RAPGEFL1: variants seen among roughly 807,000 people sequenced by gnomAD.
The protein encoded by RAPGEFL1 is Rap guanine nucleotide exchange factor like 1.
A neutral mutation model predicts 64.4 loss-of-function variants in RAPGEFL1; 31 were observed. The ratio of observed to expected loss-of-function variants is 0.48; its 90% CI spans 0.36 to 0.65. RAPGEFL1 has a LOEUF of 0.65. RAPGEFL1 is among the 30% of genes least tolerant of loss of function. RAPGEFL1 has a pLI of 0.00. For synonymous variants in RAPGEFL1, 331 were observed against 274.1 expected (o/e 1.21, Z -2.05); for missense variants, 682 against 677.4 (o/e 1.01, Z -0.08).
At chr17:40,182,534 G>A (rs917025035) in intron 2 of RAPGEFL1, among the ~76,000 whole-genome samples, 7 of 152,166 alleles carry the variant, frequency 4.6e-5, no homozygotes, top group Non-Finnish European at 8.8e-5. Context: ...GGCTGGTCTC[G>A]AACTCCTGAC....
rs1989991284 is a variant in RAPGEFL1 at position 40,184,283 on chromosome 17, T to C, written c.669T>C (p.Leu223=). The part of the protein sequence containing the change: ...LGRKQACLAM[L]LHFLDTYQGL... ...GGAAGCAAGCCTGTCTAGCCATGCT[T>C]CTCCATTTCTTGGACACCTACCAGG... Residue 223 remains leucine (L), a synonymous_variant, in exon 3 of 15, where the codon CTT becomes CTC. Transcript: ENST00000620260. 1 of 1,613,800 alleles carries C rather than the reference T, an allele frequency of 6.2e-7. No homozygotes were observed. The highest frequency in any genetic ancestry group is 1.1e-5 in the South Asian group (1 of 91,066).
Position 40,178,368 on chromosome 17 carries a change from C to A in RAPGEFL1, c.507C>A (p.Asp169Glu). ...GGCTTGCTGGAGGGGCTACCAGGGA[C>A]AGCGCCGCCTCAGGTAAGGAGCCGG... ...LERLAGGATR[D>E]SAASDILLDD... is the part of the protein sequence containing the mutation. Residue 169 changes from aspartate to glutamate, a missense_variant, in exon 1 of 15, where the codon GAC becomes GAA. Transcript: ENST00000620260. 1.9e-6 allele frequency: 1 copy of A among 529,622 alleles called. No homozygotes were observed. The highest frequency in any genetic ancestry group is 3.4e-6 in the Non-Finnish European group (1 of 294,660). The allele number at this position is 529,622 out of a possible 1,614,324, so 32.8% of individuals were successfully genotyped here. A position where few individuals can be genotyped will look rare whatever the true frequency, so the allele number is the denominator to read the frequency against.
Position 40,192,898 on chromosome 17 carries a change from C to T in RAPGEFL1, c.1745-28C>T, listed in dbSNP as rs781692929. ...TCGAACTCCTCTCTTATCCTTTCCT[C>T]ACATTGGATTCTCTCCACATCCCCT... is the stretch of plus-strand genomic sequence containing the variant. On this transcript the variant is annotated intron_variant, in intron 12 of 14. Coordinates refer to ENST00000620260, the MANE Select transcript of RAPGEFL1 (RefSeq NM_016339.6). The T allele has an allele frequency of 1.9e-6, 3 of 1,583,418 alleles. No individual in the cohort carries two copies. The African/African-American group carries it at 4.0e-5, about 21-fold the overall frequency.
chr17:40,181,117 T>C (rs1989881446), intron 1 of RAPGEFL1: 1 of 350,074 alleles, frequency 2.9e-6, no homozygotes, highest in Admixed American at 3.8e-5. Context: ...AGTCTCTCCA[T>C]CTCCCTTTTA....
intron 6 of RAPGEFL1, among the ~76,000 whole-genome samples, chr17:40,190,098 A>C (rs540477454): frequency 6.6e-6 from 1 of 152,278 alleles, no homozygotes; most frequent in Non-Finnish European, 1.5e-5. Flanking sequence ...GGCTAAAGAC[A>C]CAGGATGAGT....
chr17:40,181,032 C>T (rs1375012633), intron 1 of RAPGEFL1, among the ~76,000 whole-genome samples: 2 of 152,224 alleles, frequency 1.3e-5, no homozygotes, highest in Non-Finnish European at 2.9e-5. Flanking sequence ...ACCATTCCAT[C>T]ATTAACCCTT....
chr17:40,184,243 C>T lies in RAPGEFL1; in HGVS notation c.629C>T (p.Pro210Leu). ...GTTCGGGCAGGAGGCATGGAGGGCC[C>T]TGAAGGGCTGGGCCGGAAGCAAGCC... ...YFVRAGGMEG[P>L]EGLGRKQACL... The change falls in exon 3 of 15, where the codon CCT becomes CTT. Residue 210 changes from proline (P) to leucine (L), a missense_variant. Pro to Leu is a moderately conservative substitution (Grantham distance 98). Around this residue, in one of 2 missense-constraint regions of RAPGEFL1, gnomAD observed 271 missense variants for 158.0 expected, o/e 1.72. Transcript: ENST00000620260. 6.2e-7 allele frequency: 1 copy of T among 1,613,680 alleles called. No homozygotes were observed. Among genetic ancestry groups the T allele is most frequent in the East Asian group, 2.2e-5 (1 of 44,856 alleles).
chr17:40,193,895 CTGCTCCACGGGAAAGAGGTCGA>C lies in RAPGEFL1; in HGVS notation c.*110_*131del. The C allele has an allele frequency of 6.9e-7, 1 of 1,440,300 alleles. No homozygotes were observed. The highest frequency in any genetic ancestry group is 9.4e-7 in the Non-Finnish European group (1 of 1,061,770). 89.2% of individuals were successfully genotyped at this position (1,440,300 alleles called of 1,614,324 possible). A position where few individuals can be genotyped will look rare whatever the true frequency, so the allele number is the denominator to read the frequency against. On this transcript the variant is annotated 3_prime_UTR_variant, in exon 15 of 15. Transcript: ENST00000620260. ...GACATCTTTCCCGTGGAGCAACTTC[CTGCTCCACGGGAAAGAGGTCGA>C]TGGATTTACCCCTGGACCCATAAGT...
chr17:40,186,136 T>C (rs1990063758), intron 4 of RAPGEFL1, among the ~76,000 whole-genome samples: 1 of 150,990 alleles, frequency 6.6e-6, no homozygotes, highest in African/African-American at 2.4e-5. Context: ...TAGCCAGGCA[T>C]GGTGGCACAT....
Position 40,188,882 on chromosome 17 carries a change from C to T in RAPGEFL1, c.850C>T (p.Gln284Ter), listed in dbSNP as rs1339163054. Residue 284 changes from glutamine (Q) to a stop codon, truncating the protein, a stop_gained, in exon 5 of 15, where the codon CAG becomes TAG. Coordinates refer to ENST00000620260, the MANE Select transcript of RAPGEFL1 (RefSeq NM_016339.6). LOFTEE classifies it high-confidence loss of function. ...CCATGCCAGGATTCCAGAGGAGAAC[C>T]AGCCACCCAGCAAGCAGGTGAAGCC... ...TVELKIPEEN[Q>*]PPSKQVKPLF... 1 of 1,614,138 alleles carries T rather than the reference C, an allele frequency of 6.2e-7. No homozygotes were observed. The highest frequency in any genetic ancestry group is 1.1e-5 in the South Asian group (1 of 91,080).
chr17:40,185,542 G>A (rs1790497038), intron 4 of RAPGEFL1, among the ~76,000 whole-genome samples: 1 of 148,350 alleles, frequency 6.7e-6, no homozygotes, highest in African/African-American at 2.5e-5. Context: ...AAAAAAAAAG[G>A]CTGTGTGCCA....
In RAPGEFL1 at chr17:40,178,296, GGGCGCCCCCGAGC is replaced by G; in HGVS notation, c.439_451del (p.Ala147ProfsTer5). ...TGACTTCGCCGCCCTGGGCCCCTCT[GGGCGCCCCCGAGC>G]GGCCCGAGCATCTTCTGAACCGGGT... On this transcript the variant is annotated frameshift_variant, in exon 1 of 15. Transcript: ENST00000620260. LOFTEE classifies it high-confidence loss of function. The G allele has an allele frequency of 1.6e-6, 1 of 639,264 alleles. No homozygotes were observed. Among genetic ancestry groups the G allele is most frequent in the Non-Finnish European group, 2.8e-6 (1 of 352,202 alleles). The allele number at this position is 639,264 out of a possible 1,614,324, so 39.6% of individuals were successfully genotyped here.
Position 40,191,543 on chromosome 17 carries a change from G to C in RAPGEFL1, c.1515-39G>C, listed in dbSNP as rs1306632404. On this transcript the variant is annotated intron_variant, in intron 9 of 14. Coordinates refer to ENST00000620260, the MANE Select transcript of RAPGEFL1 (RefSeq NM_016339.6). This position sits in a 1 kb window ranked among gnomAD's most constrained non-coding sequence, Gnocchi z 5.1. ...GGGGGGCCGGAGGCCGGAGGCCCGC[G>C]CCGCCGCCCGCCCCTGACCCCGCCT... The C allele has an allele frequency of 6.4e-7, 1 of 1,554,438 alleles. No individual in the cohort carries two copies. Among genetic ancestry groups the C allele is most frequent in the South Asian group, 1.2e-5 (1 of 84,732 alleles).
Position 40,178,028 on chromosome 17 carries a change from G to A in RAPGEFL1, c.167G>A (p.Arg56His), listed in dbSNP as rs1989770230. The change falls in exon 1 of 15, where the codon CGT becomes CAT. Residue 56 changes from arginine (R) to histidine (H), a missense_variant. This residue lies in a region of RAPGEFL1 where 271 missense variants were observed against 158.0 expected (regional missense o/e 1.72). Transcript: ENST00000620260. ...PAGGQRSLQR[R>H]QSVSRLLLPA... ...GGGGGACAGCGGTCGTTGCAGCGGC[G>A]TCAGAGCGTGTCTCGCCTGCTGCTC... is the stretch of plus-strand genomic sequence containing the variant. 6 of 563,184 alleles carry A rather than the reference G, an allele frequency of 1.1e-5. No homozygotes were observed. Among genetic ancestry groups the A allele is most frequent in the South Asian group, 4.3e-5 (2 of 46,618 alleles). The allele number at this position is 563,184 out of a possible 1,614,324, so 34.9% of individuals were successfully genotyped here. A position where few individuals can be genotyped will look rare whatever the true frequency, so the allele number is the denominator to read the frequency against.
chr17:40,188,556 A>T (rs1293750503), intron 4 of RAPGEFL1: 2 of 367,586 alleles, frequency 5.4e-6, no homozygotes, highest in Non-Finnish European at 5.2e-6. Context: ...TCTCAATCTC[A>T]TAGAAGAGAT....
intron 1 of RAPGEFL1, chr17:40,181,149 C>A (rs762308564): frequency 8.2e-6 from 3 of 365,882 alleles, no homozygotes; most frequent in Admixed American, 3.4e-5. Context: ...TCCCACCTGC[C>A]TAGTTAGAAC....
At chr17:40,186,697 C>T (rs1252384123) in intron 4 of RAPGEFL1, among the ~76,000 whole-genome samples, 1 of 147,528 alleles carries the variant, frequency 6.8e-6, no homozygotes, top group Non-Finnish European at 1.5e-5. Flanking sequence ...AGATCGAGAC[C>T]ATCCTGGCCA....
rs1190432557 is a variant in RAPGEFL1 at position 40,181,599 on chromosome 17, C to T, written c.521-17C>T. 1 of 702,478 alleles carries T rather than the reference C, an allele frequency of 1.4e-6. No individual in the cohort carries two copies. Among genetic ancestry groups the T allele is most frequent in the Non-Finnish European group, 2.6e-6 (1 of 384,664 alleles). 43.5% of individuals were successfully genotyped at this position (702,478 alleles called of 1,614,324 possible). A position where few individuals can be genotyped will look rare whatever the true frequency, so the allele number is the denominator to read the frequency against. On this transcript the variant is annotated splice_polypyrimidine_tract_variant and intron_variant, in intron 1 of 14. Transcript: ENST00000620260. ...AAGTGCCCACCTGACATCTGTGGTG[C>T]CCACTGATCTTTACAGATATCCTGC...
At position 40,191,618 on chromosome 17, in the gene RAPGEFL1, C is replaced by T. The variant is rs913996101; in HGVS notation, c.1551C>T (p.Ala517=). Residue 517 remains alanine (A), a synonymous_variant, in exon 10 of 15, where the codon GCC becomes GCT. Transcript: ENST00000620260. This position sits in a 1 kb window ranked among gnomAD's most constrained non-coding sequence, Gnocchi z 5.1. ...KQNQDLLSFY[A]VVMGLDNAAV... ...ACCAGGACCTGCTGTCTTTCTACGC[C>T]GTGGTCATGGGGCTGGACAACGCCG... 6 of 1,613,410 alleles carry T rather than the reference C, an allele frequency of 3.7e-6. No homozygotes were observed. The Admixed American group carries it at 8.3e-5, about 22-fold the overall frequency.
Sources: allele counts gnomAD v4.1 joint callset (sites outside exome capture counted in the v4.1 genomes callset), GRCh38; gene constraint gnomAD v4.1.1; regional missense constraint gnomAD v4.1.1; non-coding constraint Gnocchi (gnomAD v3.1); transcripts MANE v1.5; gene names NCBI Gene and HGNC (gene_info 2026-07-23, HGNC 2026-07-21).